The following ANKS1B variants were observed in gnomAD, a reference collection of about 807,000 sequenced individuals.
ANKS1B encodes the protein ankyrin repeat and sterile alpha motif domain-containing protein 1B.
ANKS1B carries 36 observed loss-of-function variants against 148.3 expected under a neutral mutation model. The observed-to-expected ratio is 0.24, with a 90% CI of 0.19 to 0.32. ANKS1B has a LOEUF of 0.32. Ranked by LOEUF, ANKS1B falls within the 10% of genes least tolerant of loss-of-function variation. The pLI, the probability that ANKS1B is intolerant of heterozygous loss-of-function variation, is 1.00. For missense variants in ANKS1B, 1,157 were observed against 1,542.6 expected, an observed-to-expected ratio of 0.75 and a Z score of 4.19; for synonymous variants, 542 against 560.8, an observed-to-expected ratio of 0.97 and a Z score of 0.47.
chr12:99,710,394 G>A (rs972843159), intron 8 of ANKS1B, among the ~76,000 whole-genome samples: 4 of 152,086 alleles, frequency 2.6e-5, no homozygotes, highest in African/African-American at 9.7e-5. Flanking sequence ...ATAGCTGTTG[G>A]TGTTCTGAGT....
chr12:98,888,631 C>T (rs192909326), intron 17 of ANKS1B, among the ~76,000 whole-genome samples: 1 of 152,336 alleles, frequency 6.6e-6, no homozygotes, highest in East Asian at 1.9e-4. Flanking sequence ...ACTTGTTCCC[C>T]CTGACAGATA....
At chr12:99,945,939 C>T (rs2095049575) in intron 1 of ANKS1B, among the ~76,000 whole-genome samples, 1 of 152,140 alleles carries the variant, frequency 6.6e-6, no homozygotes, top group South Asian at 2.1e-4. Flanking sequence ...CTCCCCGAAC[C>T]TGCCATGGCA....
intron 10 of ANKS1B, among the ~76,000 whole-genome samples, chr12:99,475,006 G>A (rs1230530224): frequency 6.6e-6 from 1 of 151,878 alleles, no homozygotes; most frequent in African/African-American, 2.4e-5. Context: ...GTAGGCCGAG[G>A]TGGGCAGATA....
At chr12:99,676,390 C>T (rs2098570988) in intron 8 of ANKS1B, among the ~76,000 whole-genome samples, 1 of 152,020 alleles carries the variant, frequency 6.6e-6, no homozygotes. Context: ...ATCCTATTTT[C>T]CAAATTGTCT....
chr12:99,525,746 T>C (rs1420542388), intron 9 of ANKS1B, among the ~76,000 whole-genome samples: 1 of 152,180 alleles, frequency 6.6e-6, no homozygotes, highest in Non-Finnish European at 1.5e-5. Context: ...ATATTTGTTA[T>C]AATAATCTTG....
intron 12 of ANKS1B, among the ~76,000 whole-genome samples, chr12:99,289,538 G>T (rs1235400799): frequency 6.6e-6 from 1 of 151,786 alleles, no homozygotes; most frequent in Non-Finnish European, 1.5e-5. Flanking sequence ...AAGTCTTAAA[G>T]AATTAAAAAA....
At chr12:99,381,997 G>T (rs2093659577) in intron 12 of ANKS1B, among the ~76,000 whole-genome samples, 1 of 152,196 alleles carries the variant, frequency 6.6e-6, no homozygotes, top group African/African-American at 2.4e-5. Flanking sequence ...CAGTAAATGA[G>T]AATCTGTTGT....
chr12:99,344,210 T>C (rs751446976), intron 12 of ANKS1B, among the ~76,000 whole-genome samples: 1 of 152,000 alleles, frequency 6.6e-6, no homozygotes, highest in Non-Finnish European at 1.5e-5. Context: ...TGTATATGCA[T>C]GTGTGTGTGT....
intron 1 of ANKS1B, among the ~76,000 whole-genome samples, chr12:99,905,141 CT>C (rs1347605782): frequency 6.6e-6 from 1 of 152,132 alleles, no homozygotes; most frequent in Non-Finnish European, 1.5e-5. Flanking sequence ...AATTAGCTCT[CT>C]GCTAGTCTGA....
At chr12:98,914,605 C>G (rs1429307811) in intron 17 of ANKS1B, among the ~76,000 whole-genome samples, 1 of 152,078 alleles carries the variant, frequency 6.6e-6, no homozygotes, top group Non-Finnish European at 1.5e-5. Flanking sequence ...CCACCACTAT[C>G]CCCCTTATTG....
chr12:99,604,537 G>A (rs1003024168), intron 9 of ANKS1B, among the ~76,000 whole-genome samples: 1 of 151,998 alleles, frequency 6.6e-6, no homozygotes, highest in African/African-American at 2.4e-5. Flanking sequence ...TTAAGAGGCT[G>A]GGTGGAGTGC....
chr12:99,685,078 A>C (rs764116940), intron 8 of ANKS1B, among the ~76,000 whole-genome samples: 12 of 152,034 alleles, frequency 7.9e-5, no homozygotes, highest in Non-Finnish European at 1.5e-4. Context: ...TAAATAGATA[A>C]GACTCAAACT....
intron 12 of ANKS1B, among the ~76,000 whole-genome samples, chr12:99,329,064 A>T (rs1277563609): frequency 6.6e-6 from 1 of 151,994 alleles, no homozygotes; most frequent in East Asian, 1.9e-4. Flanking sequence ...ATAGAATCCA[A>T]AGAAAAATGA....
exon 10 of ANKS1B, chr12:98,735,426 G>A: frequency 2.3e-6 from 1 of 426,236 alleles, no homozygotes; most frequent in East Asian, 3.4e-5. Flanking sequence ...AAATTGTTTT[G>A]AAAAACATTT....
intron 14 of ANKS1B, among the ~76,000 whole-genome samples, chr12:99,208,477 T>C (rs558396445): frequency 1.2e-4 from 19 of 152,196 alleles, no homozygotes; most frequent in South Asian, 4.1e-4. Context: ...GATATTAAAC[T>C]AGTTAGGCTT....
chr12:99,232,012 C>T (rs879302084), intron 14 of ANKS1B, among the ~76,000 whole-genome samples: 12 of 152,060 alleles, frequency 7.9e-5, no homozygotes, highest in Non-Finnish European at 1.6e-4. Flanking sequence ...TGGGTCTCTG[C>T]TGCGGTGAGG....
At chr12:99,692,083 GT>G (rs373474744) in intron 8 of ANKS1B, among the ~76,000 whole-genome samples, 5 of 152,128 alleles carry the variant, frequency 3.3e-5, no homozygotes, top group Admixed American at 2.0e-4. Context: ...AAAGTGGGAA[GT>G]TTTTTATAAT....
At chr12:98,916,128 A>G (rs1365161899) in intron 17 of ANKS1B, among the ~76,000 whole-genome samples, 1 of 152,196 alleles carries the variant, frequency 6.6e-6, no homozygotes, top group Admixed American at 6.5e-5. Flanking sequence ...CCTGTGTTTG[A>G]CTCTTCTATT....
chr12:99,212,320 T>A (rs1053117930), intron 14 of ANKS1B, among the ~76,000 whole-genome samples: 2 of 151,546 alleles, frequency 1.3e-5, no homozygotes, highest in African/African-American at 2.4e-5. Context: ...TCTTCTATAA[T>A]TTTTTTCGTA....
Sources: gnomAD v4.1 joint callset for allele counts (sites outside exome capture counted in the v4.1 genomes callset) on GRCh38, gnomAD v4.1.1 for gene constraint, MANE v1.5 for transcripts, NCBI Gene and HGNC (gene_info 2026-07-23, HGNC 2026-07-21) for gene names.